TTC39C: variants seen among roughly 807,000 people sequenced by gnomAD.
TTC39C encodes tetratricopeptide repeat domain 39C.
In TTC39C, 33 loss-of-function variants were observed where a neutral mutation model predicts 76.3. That is an observed-to-expected ratio of 0.43 (90% CI 0.33 to 0.58). TTC39C has a LOEUF of 0.58. Among genes scored for constraint, TTC39C ranks in the 20% least tolerant of loss-of-function variants. The probability of loss-of-function intolerance (pLI) is 0.04; values close to 1 mark genes in which losing one functional copy is unlikely to be tolerated. For synonymous variants in TTC39C, 254 were observed against 260.6 expected, an observed-to-expected ratio of 0.97 and a Z score of 0.24; for missense variants, 595 against 701.4, an observed-to-expected ratio of 0.85 and a Z score of 1.71.
chr18:24,084,998 T>TCAAGG (rs2084423117), intron 6 of TTC39C, among the ~76,000 whole-genome samples: 1 of 152,180 alleles, frequency 6.6e-6, no homozygotes, highest in Admixed American at 6.5e-5. Flanking sequence ...TTAGATTTCT[T>TCAAGG]CAAGGGCAGA....
chr18:24,011,101 G>A (rs1208295417), upstream of TTC39C, among the ~76,000 whole-genome samples: 7 of 152,128 alleles, frequency 4.6e-5, no homozygotes, highest in African/African-American at 7.2e-5. Flanking sequence ...GGAAGACAAG[G>A]GTAGGGTATG....
chr18:24,109,364 TAAAA>T (rs1230558346), intron 6 of TTC39C, among the ~76,000 whole-genome samples: 1 of 150,746 alleles, frequency 6.6e-6, no homozygotes. Flanking sequence ...ACTTAAACAT[TAAAA>T]AAAAATTCAA....
intron 1 of TTC39C, among the ~76,000 whole-genome samples, chr18:24,042,429 G>A (rs928802367): frequency 6.6e-5 from 10 of 152,082 alleles, no homozygotes; most frequent in East Asian, 1.9e-4. Flanking sequence ...AGTAGGGTTC[G>A]CGTTCTTAGG....
intron 2 of TTC39C, among the ~76,000 whole-genome samples, chr18:24,064,931 C>A (rs896853951): frequency 6.6e-6 from 1 of 152,156 alleles, no homozygotes; most frequent in Non-Finnish European, 1.5e-5. Flanking sequence ...CTCTTATTGC[C>A]AGTTAATGCA....
chr18:24,109,176 C>CAAAA (rs35872928), intron 6 of TTC39C, among the ~76,000 whole-genome samples: 9 of 73,866 alleles, frequency 1.2e-4, no homozygotes, highest in African/African-American at 3.6e-4. Context: ...CCCGTCTCTA[C>CAAAA]AAAAAAAAAA....
At chr18:24,031,121 A>C (rs887389781) in intron 1 of TTC39C, among the ~76,000 whole-genome samples, 3 of 120,544 alleles carry the variant, frequency 2.5e-5, no homozygotes, top group Admixed American at 9.1e-5. Context: ...TACCTTTTTT[A>C]CTTTTTTTTT....
At chr18:24,056,976 C>G (rs1054525675) in intron 1 of TTC39C, among the ~76,000 whole-genome samples, 18 of 152,114 alleles carry the variant, frequency 1.2e-4, no homozygotes, top group Non-Finnish European at 2.9e-5. Flanking sequence ...AGCCATCATG[C>G]CTGGCCTTGT....
intron 4 of TTC39C, 48 bp downstream of exon 4, chr18:24,069,319 A>T: frequency 6.8e-7 from 1 of 1,470,976 alleles, no homozygotes; most frequent in Non-Finnish European, 9.5e-7. Context: ...CAGTGCACAC[A>T]ATTAGTAATA....
intron 9 of TTC39C, 28 bp downstream of exon 9, chr18:24,123,971 A>T (rs772485027): frequency 6.6e-7 from 1 of 1,509,892 alleles, no homozygotes; most frequent in South Asian, 1.2e-5. Context: ...GATCTGGTGT[A>T]TTACTTATGA....
Position 24,132,620 on chromosome 18 carries a change from C to G in TTC39C, c.*46C>G, listed in dbSNP as rs767934627. On this transcript the variant is annotated 3_prime_UTR_variant, in exon 14 of 14. Transcript: ENST00000317571. ...CGTCCCTCCCCACCCAGGGTCCGCA[C>G]TTTAAAATAAAAGCAGAGGACAAAG... is the stretch of plus-strand genomic sequence containing the variant. The G allele has an allele frequency of 6.5e-7, 1 of 1,533,724 alleles. No individual in the cohort carries two copies. The highest frequency in any genetic ancestry group is 8.9e-7 in the Non-Finnish European group (1 of 1,119,222).
intron 1 of TTC39C, among the ~76,000 whole-genome samples, chr18:24,026,511 T>G (rs2083601771): frequency 6.6e-6 from 1 of 152,190 alleles, no homozygotes; most frequent in East Asian, 1.9e-4. Flanking sequence ...CATAATGTAG[T>G]ATGTTATAGG....
chr18:24,029,419 C>T (rs961614290), intron 1 of TTC39C, among the ~76,000 whole-genome samples: 6 of 152,182 alleles, frequency 3.9e-5, no homozygotes, highest in African/African-American at 1.4e-4. Context: ...GTGTTTAATC[C>T]TCAAAGCATT....
Position 24,118,121 on chromosome 18 carries a change from A to C in TTC39C, c.1079-4A>C. ...GTCATGTGCTAAAAATATTTCTTTC[A>C]TAGGTTGGTGCAGCATGATAGAGCT... is the stretch of plus-strand genomic sequence containing the variant. On this transcript the variant is annotated splice_region_variant and splice_polypyrimidine_tract_variant and intron_variant, in intron 7 of 13. Coordinates refer to ENST00000317571, the MANE Select transcript of TTC39C (RefSeq NM_001135993.2). 6.2e-7 allele frequency: 1 copy of C among 1,611,662 alleles called. No homozygotes were observed. Among genetic ancestry groups the C allele is most frequent in the Non-Finnish European group, 8.5e-7 (1 of 1,178,942 alleles).
intron 1 of TTC39C, among the ~76,000 whole-genome samples, chr18:23,994,985 T>C (rs2083249807): frequency 6.6e-6 from 1 of 152,150 alleles, no homozygotes; most frequent in Non-Finnish European, 1.5e-5. Flanking sequence ...TTTGGTAAAA[T>C]GTGTGTATAG....
intron 6 of TTC39C, among the ~76,000 whole-genome samples, chr18:24,095,437 G>C (rs960012932): frequency 6.6e-6 from 1 of 152,194 alleles, no homozygotes; most frequent in Admixed American, 6.5e-5. Flanking sequence ...AGTGGTTCAT[G>C]CCTGTAATCC....
intron 4 of TTC39C, among the ~76,000 whole-genome samples, chr18:24,072,594 G>A (rs1014303623): frequency 2.0e-5 from 3 of 152,198 alleles, no homozygotes; most frequent in African/African-American, 7.2e-5. Context: ...ACCGTGCCCG[G>A]TCAATGCTTC....
intron 1 of TTC39C, among the ~76,000 whole-genome samples, chr18:24,055,692 C>G (rs1457146916): frequency 2.6e-5 from 4 of 152,036 alleles, no homozygotes; most frequent in Admixed American, 6.5e-5. Flanking sequence ...GGTTGGTTGC[C>G]TTTTCACTCT....
intron 1 of TTC39C, among the ~76,000 whole-genome samples, chr18:23,997,698 G>GAAAGAAAGAA (rs2083278671): frequency 2.0e-5 from 3 of 150,204 alleles, no homozygotes; most frequent in African/African-American, 7.3e-5. Context: ...AAGAAAGAAA[G>GAAAGAAAGAA]AAAGAAAGAA....
chr18:24,015,258 G>A, intron 1 of TTC39C: 1 of 427,506 alleles, frequency 2.3e-6, no homozygotes, highest in Non-Finnish European at 4.0e-6. Flanking sequence ...TTCCCTCCCG[G>A]GACCCGCCGC....
Sources: allele counts gnomAD v4.1 joint callset (sites outside exome capture counted in the v4.1 genomes callset), GRCh38; gene constraint gnomAD v4.1.1; transcripts MANE v1.5; gene names NCBI Gene and HGNC (gene_info 2026-07-23, HGNC 2026-07-21).